ANO2: variants seen among roughly 807,000 people sequenced by gnomAD.
ANO2 encodes the protein anoctamin-2.
In ANO2, 101 loss-of-function variants were observed where a neutral mutation model predicts 124.2. The observed-to-expected ratio is 0.81, with a 90% CI of 0.69 to 0.96. The LOEUF is 0.96. Ranked by LOEUF, ANO2 falls within the 40% of genes least tolerant of loss-of-function variation. ANO2 has a pLI of 0.00. For synonymous variants in ANO2, 486 were observed against 482.5 expected, an observed-to-expected ratio of 1.01 and a Z score of -0.09; for missense variants, 1,293 against 1,274.5, an observed-to-expected ratio of 1.01 and a Z score of -0.22.
intron 3 of ANO2, among the ~76,000 whole-genome samples, chr12:5,907,762 T>A (rs1471201176): frequency 6.6e-6 from 1 of 152,208 alleles, no homozygotes; most frequent in Non-Finnish European, 1.5e-5. Context: ...AGATCCCAGA[T>A]AAGAAAATAG....
At chr12:5,848,814 G>A (rs1002941509) in intron 4 of ANO2, among the ~76,000 whole-genome samples, 1 of 152,236 alleles carries the variant, frequency 6.6e-6, no homozygotes, top group East Asian at 1.9e-4. Flanking sequence ...ACATTGCAGA[G>A]AAGAGAGAAG....
At chr12:5,928,101 A>G (rs1013462475) in intron 1 of ANO2, among the ~76,000 whole-genome samples, 1 of 152,184 alleles carries the variant, frequency 6.6e-6, no homozygotes, top group African/African-American at 2.4e-5. Flanking sequence ...AAGGTGAGTC[A>G]GCAGGGACCT....
intron 3 of ANO2, among the ~76,000 whole-genome samples, chr12:5,884,110 A>G (rs1049684875): frequency 2.4e-4 from 36 of 152,280 alleles, no homozygotes; most frequent in South Asian, 4.1e-4. Context: ...TAACTATGAC[A>G]TTATATGGCC....
intron 16 of ANO2, among the ~76,000 whole-genome samples, chr12:5,631,897 C>G (rs1945737557): frequency 6.6e-6 from 1 of 152,080 alleles, no homozygotes; most frequent in African/African-American, 2.4e-5. Flanking sequence ...TGACTGGGAG[C>G]AATGTCCCCA....
intron 5 of ANO2, among the ~76,000 whole-genome samples, chr12:5,831,080 C>T (rs1954134994): frequency 6.6e-6 from 1 of 152,192 alleles, no homozygotes; most frequent in Non-Finnish European, 1.5e-5. Context: ...ACTTCATATA[C>T]TGAGCTTTCA....
In ANO2 at chr12:5,574,930, G is replaced by T. The variant is rs535032158; in HGVS notation, c.2621+904C>A. Among the ~76,000 whole-genome samples, 6 of 152,248 alleles carry T rather than the reference G, an allele frequency of 3.9e-5. No homozygotes were observed. The South Asian group carries it at 1.2e-3, about 32-fold the overall frequency. On this transcript the variant is annotated intron_variant, in intron 23 of 24. Transcript: ENST00000682330. ...CCTTTTGGCTTATGCTGGTGTAGGAGTTTCTACATTTACTGTATTTCCTTT... is the reference window on the plus strand; with the variant it reads ...CCTTTTGGCTTATGCTGGTGTAGGATTTTCTACATTTACTGTATTTCCTTT...
intron 16 of ANO2, among the ~76,000 whole-genome samples, chr12:5,624,109 G>T (rs1384284711): frequency 2.0e-5 from 3 of 152,170 alleles, no homozygotes; most frequent in African/African-American, 7.2e-5. Flanking sequence ...CTCAGAGTCA[G>T]AAAGGTAACT....
intron 3 of ANO2, among the ~76,000 whole-genome samples, chr12:5,891,868 A>G (rs1367834403): frequency 6.6e-6 from 1 of 152,226 alleles, no homozygotes. Flanking sequence ...TCCATAACAT[A>G]ATATTGAAAG....
At chr12:5,844,841 GTT>G (rs1348710757) in intron 4 of ANO2, among the ~76,000 whole-genome samples, 2 of 146,810 alleles carry the variant, frequency 1.4e-5, no homozygotes, top group Admixed American at 6.7e-5. Context: ...GTTTTTGTGT[GTT>G]TGTTTGTTTG....
intron 10 of ANO2, among the ~76,000 whole-genome samples, chr12:5,775,791 C>T (rs562234548): frequency 1.3e-5 from 2 of 152,232 alleles, no homozygotes; most frequent in Admixed American, 6.5e-5. Context: ...CATGATAGAC[C>T]TCTTTTGCCT....
chr12:5,681,336 A>G (rs570189978), intron 14 of ANO2, among the ~76,000 whole-genome samples: 1 of 152,206 alleles, frequency 6.6e-6, no homozygotes, highest in Non-Finnish European at 1.5e-5. Context: ...TACCACTCAC[A>G]TTTTTTATGA....
intron 10 of ANO2, among the ~76,000 whole-genome samples, chr12:5,791,972 T>C (rs1317517802): frequency 1.3e-5 from 2 of 152,272 alleles, no homozygotes; most frequent in Admixed American, 6.5e-5. Flanking sequence ...GAAATAATTA[T>C]TGTAATATAA....
At chr12:5,781,990 T>G (rs1180491075) in intron 10 of ANO2, among the ~76,000 whole-genome samples, 1 of 152,228 alleles carries the variant, frequency 6.6e-6, no homozygotes, top group Non-Finnish European at 1.5e-5. Context: ...ATTGTTCAAG[T>G]CTACTATATT....
At chr12:5,911,076 G>C (rs1394721622) in intron 3 of ANO2, among the ~76,000 whole-genome samples, 1 of 152,146 alleles carries the variant, frequency 6.6e-6, no homozygotes, top group Non-Finnish European at 1.5e-5. Context: ...AGCCTTCCCA[G>C]TCCATCAGAC....
intron 10 of ANO2, among the ~76,000 whole-genome samples, chr12:5,784,169 A>G (rs1013322283): frequency 3.3e-5 from 5 of 151,600 alleles, no homozygotes; most frequent in African/African-American, 9.7e-5. Context: ...CCTATCTGGA[A>G]TGTCCATCCC....
chr12:5,911,285 G>A (rs1280253416), intron 3 of ANO2, among the ~76,000 whole-genome samples: 5 of 152,278 alleles, frequency 3.3e-5, no homozygotes, highest in African/African-American at 9.6e-5. Context: ...AAAAGCAGGA[G>A]AGAGGGGCCA....
intron 1 of ANO2, among the ~76,000 whole-genome samples, chr12:5,942,352 C>T (rs1335306086): frequency 2.6e-5 from 4 of 152,164 alleles, no homozygotes; most frequent in Admixed American, 6.5e-5. Flanking sequence ...TAAATGCCCA[C>T]GTGATAAATA....
intron 20 of ANO2, among the ~76,000 whole-genome samples, chr12:5,594,856 C>A (rs571373959): frequency 6.6e-6 from 1 of 152,168 alleles, no homozygotes; most frequent in East Asian, 1.9e-4. Flanking sequence ...ACAACAACAA[C>A]AACAAAAACA....
chr12:5,726,240 C>A (rs115060825), intron 14 of ANO2, among the ~76,000 whole-genome samples: 432 of 152,180 alleles, frequency 2.8e-3, no homozygotes, highest in African/African-American at 9.6e-3. Flanking sequence ...TGAATTTTCC[C>A]TACTGTCTGT....
Sources: gnomAD v4.1 joint callset for allele counts (sites outside exome capture counted in the v4.1 genomes callset) on GRCh38, gnomAD v4.1.1 for gene constraint, MANE v1.5 for transcripts, NCBI Gene and HGNC (gene_info 2026-07-23, HGNC 2026-07-21) for gene names.